Variants in CYB5R4 observed in about 807,000 individuals in gnomAD.
CYB5R4 encodes N-terminal cytochrome b5 and cytochrome b5 oxidoreductase domain-containing protein.
In CYB5R4, 55 loss-of-function variants were observed where a neutral mutation model predicts 70.2. The ratio of observed to expected loss-of-function variants is 0.78; its 90% CI spans 0.63 to 0.98. CYB5R4 has a LOEUF of 0.98. Ranked by LOEUF, CYB5R4 falls within the 50% of genes least tolerant of loss-of-function variation. The pLI, the probability that CYB5R4 is intolerant of heterozygous loss-of-function variation, is 0.00. For synonymous variants in CYB5R4, 197 were observed against 199.5 expected (o/e 0.99, Z 0.11); for missense variants, 562 against 612.6 (o/e 0.92, Z 0.87).
chr6:83,967,343 A>ATT lies in CYB5R4; in HGVS notation c.*7465_*7466insTT, dbSNP rs1278474620. 1 of 152,226 alleles carries ATT rather than the reference A, an allele frequency of 6.6e-6. No homozygotes were observed. Among genetic ancestry groups the ATT allele is most frequent in the Non-Finnish European group, 1.5e-5 (1 of 68,038 alleles). 9.4% of individuals were successfully genotyped at this position (152,226 alleles called of 1,614,324 possible). A position where few individuals can be genotyped will look rare whatever the true frequency, so the allele number is the denominator to read the frequency against. On this transcript the variant is annotated 3_prime_UTR_variant, in exon 16 of 16. Coordinates refer to ENST00000369681, the MANE Select transcript of CYB5R4 (RefSeq NM_016230.4). ...TAGGTATATGCTAAACTATTTCAGT[A>ATT]GTTTTGGCAGTGGTTGTATTAGTAT...
intron 2 of CYB5R4, among the ~76,000 whole-genome samples, chr6:83,878,994 C>G (rs1414623898): frequency 6.6e-6 from 1 of 152,080 alleles, no homozygotes; most frequent in Non-Finnish European, 1.5e-5. Context: ...TCCCCCTCTC[C>G]AAAAGGCAGT....
chr6:83,959,714 A>T, intron 15 of CYB5R4, 110 bp from the exon 16 acceptor site: 1 of 912,406 alleles, frequency 1.1e-6, no homozygotes, highest in Non-Finnish European at 1.6e-6. Flanking sequence ...AAAACTACAT[A>T]GTGAATGGGG....
chr6:83,953,050 G>A (rs1033271944), intron 14 of CYB5R4, among the ~76,000 whole-genome samples: 1 of 152,116 alleles, frequency 6.6e-6, no homozygotes, highest in Non-Finnish European at 1.5e-5. Context: ...GTTTCTTCCA[G>A]GAGATGTTCC....
chr6:83,859,906 T>G, intron 1 of CYB5R4, 49 bp downstream of exon 1: 1 of 1,529,330 alleles, frequency 6.5e-7, no homozygotes, highest in Non-Finnish European at 8.9e-7. Flanking sequence ...TTTCGAGCTC[T>G]GGCAGTGTGT....
intron 2 of CYB5R4, among the ~76,000 whole-genome samples, chr6:83,890,647 A>G (rs775324813): frequency 2.6e-5 from 4 of 152,194 alleles, no homozygotes; most frequent in Non-Finnish European, 5.9e-5. Flanking sequence ...CTGTTAGACA[A>G]CATGGCATGC....
At chr6:83,865,145 T>C (rs1446165768) in intron 2 of CYB5R4, among the ~76,000 whole-genome samples, 1 of 152,170 alleles carries the variant, frequency 6.6e-6, no homozygotes, top group Non-Finnish European at 1.5e-5. Flanking sequence ...GGCAGGGACA[T>C]TGTTGGTCTT....
chr6:83,911,956 C>G (rs573982791), intron 4 of CYB5R4, among the ~76,000 whole-genome samples: 1 of 150,372 alleles, frequency 6.7e-6, no homozygotes, highest in Non-Finnish European at 1.5e-5. Flanking sequence ...ACTCGGAAGG[C>G]TGAGGCAAGA....
At chr6:83,951,349 A>T (rs2129145096) in intron 14 of CYB5R4, among the ~76,000 whole-genome samples, 1 of 152,322 alleles carries the variant, frequency 6.6e-6, no homozygotes, top group East Asian at 1.9e-4. Flanking sequence ...GGTTTGTTAC[A>T]TAGGTATACG....
intron 14 of CYB5R4, among the ~76,000 whole-genome samples, chr6:83,942,908 C>T (rs1039153262): frequency 2.0e-5 from 3 of 152,148 alleles, no homozygotes; most frequent in African/African-American, 7.2e-5. Context: ...CAGACTGCCT[C>T]TCTAGATTCC....
intron 2 of CYB5R4, among the ~76,000 whole-genome samples, chr6:83,875,367 T>G (rs1298012371): frequency 6.6e-6 from 1 of 152,220 alleles, no homozygotes; most frequent in Non-Finnish European, 1.5e-5. Context: ...TATATCAGCC[T>G]CCTGAGTAGC....
rs2099473785 is a variant in CYB5R4 at position 83,964,509 on chromosome 6, C to G, written c.*4631C>G. ...AGAAATTTCTAAGCAGCAAAGCATTCAAGAGGTGACTCAAGTGTTGTTAAA... is the reference window on the plus strand; with the variant it reads ...AGAAATTTCTAAGCAGCAAAGCATTGAAGAGGTGACTCAAGTGTTGTTAAA... On this transcript the variant is annotated 3_prime_UTR_variant, in exon 16 of 16. Coordinates refer to ENST00000369681, the MANE Select transcript of CYB5R4 (RefSeq NM_016230.4). 1 of 152,624 alleles carries G rather than the reference C, an allele frequency of 6.6e-6. No homozygotes were observed. The highest frequency in any genetic ancestry group is 6.5e-5 in the Admixed American group (1 of 15,286). 9.5% of individuals were successfully genotyped at this position (152,624 alleles called of 1,614,324 possible).
At chr6:83,941,105 G>A (rs1562844601) in intron 14 of CYB5R4, among the ~76,000 whole-genome samples, 2 of 152,038 alleles carry the variant, frequency 1.3e-5, no homozygotes, top group South Asian at 2.1e-4. Flanking sequence ...ACACTTCTTC[G>A]CTCTTTCACT....
chr6:83,902,931 TC>T (rs1374958809), intron 3 of CYB5R4, among the ~76,000 whole-genome samples: 4 of 152,038 alleles, frequency 2.6e-5, no homozygotes, highest in Non-Finnish European at 5.9e-5. Flanking sequence ...TTTGGTGGAG[TC>T]TTTTGGTTTT....
intron 12 of CYB5R4, among the ~76,000 whole-genome samples, chr6:83,937,758 A>G (rs2099469153): frequency 6.6e-6 from 1 of 152,200 alleles, no homozygotes; most frequent in South Asian, 2.1e-4. Context: ...ACCTTAGATG[A>G]TTGGCCCGCC....
intron 10 of CYB5R4, among the ~76,000 whole-genome samples, chr6:83,929,269 A>G (rs1455101995): frequency 6.6e-6 from 1 of 152,196 alleles, no homozygotes; most frequent in East Asian, 1.9e-4. Flanking sequence ...TGTGGTTCCT[A>G]GATTTTCAAT....
intron 3 of CYB5R4, among the ~76,000 whole-genome samples, chr6:83,900,148 G>T (rs916104805): frequency 1.3e-5 from 2 of 152,158 alleles, no homozygotes; most frequent in African/African-American, 4.8e-5. Context: ...ATGTGTCCCA[G>T]AAATTCTGGT....
intron 2 of CYB5R4, among the ~76,000 whole-genome samples, chr6:83,886,735 A>G (rs2099460306): frequency 6.6e-6 from 1 of 152,176 alleles, no homozygotes; most frequent in Non-Finnish European, 1.5e-5. Flanking sequence ...CACAATATCA[A>G]GAGTTACTCC....
intron 10 of CYB5R4, among the ~76,000 whole-genome samples, chr6:83,932,871 C>G (rs1232880779): frequency 6.6e-6 from 1 of 152,170 alleles, no homozygotes; most frequent in Non-Finnish European, 1.5e-5. Flanking sequence ...GAGTGCAGGT[C>G]TCATTCCTCT....
intron 2 of CYB5R4, among the ~76,000 whole-genome samples, chr6:83,872,814 C>G (rs1009855520): frequency 3.3e-5 from 5 of 152,162 alleles, no homozygotes; most frequent in African/African-American, 9.7e-5. Context: ...TCACTTAAAC[C>G]TAGGTCACAA....
Sources: gnomAD v4.1 joint callset for allele counts (sites outside exome capture counted in the v4.1 genomes callset) on GRCh38, gnomAD v4.1.1 for gene constraint, MANE v1.5 for transcripts, NCBI Gene and HGNC (gene_info 2026-07-23, HGNC 2026-07-21) for gene names.